ASXL2: variants seen among roughly 807,000 people sequenced by gnomAD.
ASXL2 encodes ASXL transcriptional regulator 2.
ASXL2 carries 23 observed loss-of-function variants against 122.0 expected under a neutral mutation model. The observed-to-expected ratio is 0.19, with a 90% CI of 0.14 to 0.27. ASXL2 has a LOEUF of 0.27. Among genes scored for constraint, ASXL2 ranks in the 10% least tolerant of loss-of-function variants. ASXL2 has a pLI of 1.00. For synonymous variants in ASXL2, 650 were observed against 637.0 expected (o/e 1.02, Z -0.31); for missense variants, 1,518 against 1,713.8 (o/e 0.89, Z 2.02).
chr2:25,827,277 T>C (rs1446821453), intron 3 of ASXL2, among the ~76,000 whole-genome samples: 1 of 152,208 alleles, frequency 6.6e-6, no homozygotes, highest in Non-Finnish European at 1.5e-5. Flanking sequence ...AATTTAATAC[T>C]ACATAACTTT....
intron 5 of ASXL2, among the ~76,000 whole-genome samples, chr2:25,780,844 T>A (rs1187098286): frequency 6.6e-6 from 1 of 152,060 alleles, no homozygotes; most frequent in Non-Finnish European, 1.5e-5. Context: ...TCCCAGCACT[T>A]TGGGAGGCCG....
Position 25,750,040 on chromosome 2 carries a change from G to C in ASXL2, c.1516C>G (p.Leu506Val). ...SAEQESEKNH[L>V]TTASNYNKSE... ...TTGTTATAATTAGAAGCTGTGGTGAGATGGTTCTTCTCAGATTCCTGTTCA... is the reference window on the plus strand; with the variant it reads ...TTGTTATAATTAGAAGCTGTGGTGACATGGTTCTTCTCAGATTCCTGTTCA... The change falls in exon 12 of 13, where the codon CTC becomes GTC. Residue 506 changes from leucine to valine, a missense_variant. Around this residue, in one of 8 missense-constraint regions of ASXL2, gnomAD observed 292 missense variants for 293.5 expected, o/e 1.00. Transcript: ENST00000435504. 6.2e-7 allele frequency: 1 copy of C among 1,614,026 alleles called. No individual in the cohort carries two copies.
chr2:25,746,921 T>C (rs1027844280), intron 12 of ASXL2, among the ~76,000 whole-genome samples: 6 of 152,170 alleles, frequency 3.9e-5, no homozygotes, highest in African/African-American at 9.7e-5. Context: ...TTGGTATCCA[T>C]GGGGGATTGG....
chr2:25,787,859 T>C (rs2088773771), intron 5 of ASXL2, among the ~76,000 whole-genome samples: 1 of 152,158 alleles, frequency 6.6e-6, no homozygotes, highest in Non-Finnish European at 1.5e-5. Flanking sequence ...AGAGGGGACA[T>C]GTGGAAACTA....
chr2:25,768,383 A>C lies in ASXL2; in HGVS notation c.631+359T>G, dbSNP rs62127673. ...CAGTGGTGAGATCAGGGCTAATGGCAGTCTTGACTTCCCGAGCTCAACCAA... is the reference window on the plus strand; with the variant it reads ...CAGTGGTGAGATCAGGGCTAATGGCCGTCTTGACTTCCCGAGCTCAACCAA... On this transcript the variant is annotated intron_variant, in intron 7 of 12. Coordinates refer to ENST00000435504, the MANE Select transcript of ASXL2 (RefSeq NM_018263.6). 7.8e-3 allele frequency among the ~76,000 whole-genome samples: 1,194 copies of C among 152,174 alleles called. 6 individuals carry two copies. The highest frequency in any genetic ancestry group is 0.024 in the Middle Eastern group (7 of 294).
intron 3 of ASXL2, chr2:25,810,068 G>C: frequency 1.8e-6 from 1 of 552,618 alleles, no homozygotes; most frequent in South Asian, 1.4e-5. Flanking sequence ...CTCAGCACAG[G>C]TCTCTACCTC....
intron 2 of ASXL2, among the ~76,000 whole-genome samples, chr2:25,836,958 A>C (rs2089518575): frequency 6.6e-6 from 1 of 152,096 alleles, no homozygotes. Flanking sequence ...GGGTCTCAAG[A>C]ACTGAATATT....
chr2:25,769,592 G>GA (rs913842935), intron 6 of ASXL2, among the ~76,000 whole-genome samples: 15 of 145,098 alleles, frequency 1.0e-4, no homozygotes, highest in Admixed American at 4.1e-4. Context: ...AAAATGAACA[G>GA]AAAAAAACAA....
At position 25,744,453 on chromosome 2, in the gene ASXL2, G is replaced by C. The variant is rs755955478; in HGVS notation, c.1884C>G (p.Pro628=). 11 of 1,604,236 alleles carry C rather than the reference G, an allele frequency of 6.9e-6. No individual in the cohort carries two copies. The highest frequency in any genetic ancestry group is 1.7e-4 in the Middle Eastern group (1 of 6,046). Residue 628 remains proline, a synonymous_variant, in exon 13 of 13, where the codon CCC becomes CCG. Transcript: ENST00000435504. This position sits in a 1 kb window ranked among gnomAD's most constrained non-coding sequence, Gnocchi z 4.7. ...PLKIPVSRIS[P]MPFHPSQVSP... ...AGACCTGCGATGGATGAAACGGCAT[G>C]GGGGAGATTCTGGAGACCGGGATCT... is the stretch of plus-strand genomic sequence containing the variant.
chr2:25,824,339 C>T (rs910801786), intron 3 of ASXL2, among the ~76,000 whole-genome samples: 2 of 152,084 alleles, frequency 1.3e-5, no homozygotes, highest in African/African-American at 2.4e-5. Flanking sequence ...TATAGCAACA[C>T]GGTAGTATGT....
intron 3 of ASXL2, chr2:25,822,921 G>A (rs1553702743): frequency 2.8e-5 from 15 of 531,178 alleles, no homozygotes; most frequent in South Asian, 1.4e-4. Flanking sequence ...ACAAGACAGC[G>A]ATGATGAAAA....
intron 5 of ASXL2, among the ~76,000 whole-genome samples, chr2:25,776,951 A>C (rs2088556555): frequency 1.3e-5 from 2 of 152,216 alleles, no homozygotes; most frequent in Admixed American, 1.3e-4. Flanking sequence ...TTTTTAACAA[A>C]TTAAACCACA....
intron 12 of ASXL2, among the ~76,000 whole-genome samples, chr2:25,745,256 A>G (rs2087922072): frequency 6.7e-6 from 1 of 148,718 alleles, no homozygotes; most frequent in Non-Finnish European, 1.5e-5. Flanking sequence ...TCTGTCTCCC[A>G]GGCTGGAGTG....
At chr2:25,747,727 A>C (rs1369822290) in intron 12 of ASXL2, among the ~76,000 whole-genome samples, 1 of 152,172 alleles carries the variant, frequency 6.6e-6, no homozygotes, top group Non-Finnish European at 1.5e-5. Context: ...AATGACATTG[A>C]AGAAAAGTTT....
chr2:25,836,479 G>A (rs2089513342), intron 2 of ASXL2, among the ~76,000 whole-genome samples: 1 of 151,514 alleles, frequency 6.6e-6, no homozygotes, highest in Non-Finnish European at 1.5e-5. Flanking sequence ...TGCATGTGGA[G>A]AGATATGGGA....
chr2:25,853,136 A>G (rs1273532231), intron 1 of ASXL2, among the ~76,000 whole-genome samples: 2 of 152,184 alleles, frequency 1.3e-5, no homozygotes, highest in African/African-American at 2.4e-5. Context: ...GGTTTTTGAC[A>G]AATCCCTCAT....
chr2:25,751,330 C>A (rs1297204480), intron 11 of ASXL2, among the ~76,000 whole-genome samples: 1 of 152,108 alleles, frequency 6.6e-6, no homozygotes, highest in Non-Finnish European at 1.5e-5. Context: ...CTGTTGTAAT[C>A]CTCTATCTGC....
At chr2:25,867,842 C>A (rs1030406882) in intron 1 of ASXL2, among the ~76,000 whole-genome samples, 1 of 152,168 alleles carries the variant, frequency 6.6e-6, no homozygotes, top group Non-Finnish European at 1.5e-5. Flanking sequence ...AATGCCCTTG[C>A]CGATCATTCA....
chr2:25,773,895 TG>T (rs2088503449), intron 5 of ASXL2, among the ~76,000 whole-genome samples: 1 of 151,794 alleles, frequency 6.6e-6, no homozygotes, highest in Non-Finnish European at 1.5e-5. Context: ...CTGGGTGTGG[TG>T]GCAGACACCT....
Sources: gnomAD v4.1 joint callset for allele counts (sites outside exome capture counted in the v4.1 genomes callset) on GRCh38, gnomAD v4.1.1 for gene constraint, gnomAD v4.1.1 regional missense constraint, Gnocchi (gnomAD v3.1) non-coding constraint, MANE v1.5 for transcripts, NCBI Gene and HGNC (gene_info 2026-07-23, HGNC 2026-07-21) for gene names.